CLVS1: variants seen among roughly 807,000 people sequenced by gnomAD.
The protein encoded by CLVS1 is clavesin-1.
CLVS1 carries 10 observed loss-of-function variants against 33.1 expected under a neutral mutation model. The observed-to-expected ratio is 0.30, with a 90% CI of 0.19 to 0.51. The LOEUF is 0.51. Among genes scored for constraint, CLVS1 ranks in the 20% least tolerant of loss-of-function variants. The probability of loss-of-function intolerance (pLI) is 0.97; values close to 1 mark genes in which losing one functional copy is unlikely to be tolerated. For missense variants in CLVS1, 343 were observed against 433.4 expected (o/e 0.79, Z 1.85); for synonymous variants, 163 against 166.1 (o/e 0.98, Z 0.14).
At chr8:61,353,985 T>C (rs549616058) in intron 2 of CLVS1, among the ~76,000 whole-genome samples, 1 of 151,914 alleles carries the variant, frequency 6.6e-6, no homozygotes, top group Admixed American at 6.6e-5. Flanking sequence ...GTCAATAACT[T>C]AGAAAATATG....
intron 1 of CLVS1, among the ~76,000 whole-genome samples, chr8:61,289,521 T>C (rs1234177630): frequency 1.3e-5 from 2 of 152,192 alleles, no homozygotes; most frequent in African/African-American, 4.8e-5. Context: ...CAGTAAAGCA[T>C]TGGGATTTTT....
chr8:61,455,661 C>T (rs780147446), intron 4 of CLVS1, among the ~76,000 whole-genome samples: 5 of 152,142 alleles, frequency 3.3e-5, no homozygotes, highest in Non-Finnish European at 5.9e-5. Context: ...ATCTTTGAGA[C>T]TTTCTATTTT....
intron 1 of CLVS1, among the ~76,000 whole-genome samples, chr8:61,297,660 C>T (rs981635096): frequency 3.3e-5 from 5 of 152,102 alleles, no homozygotes; most frequent in Non-Finnish European, 7.4e-5. Flanking sequence ...GTCTGAAGAT[C>T]TGAAAGGAGC....
intron 1 of CLVS1, among the ~76,000 whole-genome samples, chr8:61,098,248 G>A (rs1291505458): frequency 1.3e-5 from 2 of 152,154 alleles, no homozygotes; most frequent in East Asian, 3.9e-4. Flanking sequence ...CGCCCTCATG[G>A]TTTACATAAA....
Position 61,346,262 on chromosome 8 carries a change from T to G in CLVS1, c.456-30343T>G, listed in dbSNP as rs1254746319. On this transcript the variant is annotated intron_variant, in intron 2 of 5. Coordinates refer to ENST00000325897, the MANE Select transcript of CLVS1 (RefSeq NM_173519.3). ...TCAGGGGGTAAAGCAAGGGCATTAG[T>G]GTCTTAGAAAAACTCCCCAGAGGTG... is the stretch of plus-strand genomic sequence containing the variant. Among the ~76,000 whole-genome samples, 3 of 152,236 alleles carry G rather than the reference T, an allele frequency of 2.0e-5. No homozygotes were observed. The East Asian group carries it at 5.8e-4, about 30-fold the overall frequency.
chr8:61,119,294 A>G (rs1396043887), intron 1 of CLVS1, among the ~76,000 whole-genome samples: 1 of 151,966 alleles, frequency 6.6e-6, no homozygotes, highest in African/African-American at 2.4e-5. Context: ...TTTCCTGAAT[A>G]CAGCACACTG....
At chr8:61,069,399 TTC>T (rs1226137693) in intron 1 of CLVS1, among the ~76,000 whole-genome samples, 3 of 140,190 alleles carry the variant, frequency 2.1e-5, no homozygotes, top group African/African-American at 8.0e-5. Flanking sequence ...CTTTCCTTCT[TTC>T]TCTCTCTCTT....
At chr8:61,466,413 G>T (rs1232709414) in intron 5 of CLVS1, among the ~76,000 whole-genome samples, 1 of 152,092 alleles carries the variant, frequency 6.6e-6, no homozygotes, top group African/African-American at 2.4e-5. Flanking sequence ...AAGGAGTTTT[G>T]TTGGAGAAAA....
intron 1 of CLVS1, among the ~76,000 whole-genome samples, chr8:61,061,445 A>C (rs904594771): frequency 2.0e-5 from 3 of 152,150 alleles, no homozygotes; most frequent in Non-Finnish European, 2.9e-5. Flanking sequence ...CTTCCTGCAC[A>C]ATCATTCATA....
intron 1 of CLVS1, among the ~76,000 whole-genome samples, chr8:61,120,997 T>G (rs1805851852): frequency 6.6e-6 from 1 of 151,034 alleles, no homozygotes; most frequent in African/African-American, 2.4e-5. Context: ...TAGTTTGATC[T>G]CAGACTGCTG....
the CLVS1 span, among the ~76,000 whole-genome samples, chr8:61,030,304 C>A: frequency 1.3e-5 from 2 of 150,162 alleles, no homozygotes; most frequent in Middle Eastern, 3.4e-3. Context: ...AAGGTGGCAG[C>A]GGGGTGGGGG....
the CLVS1 span, among the ~76,000 whole-genome samples, chr8:61,034,678 C>A: frequency 6.6e-6 from 1 of 152,114 alleles, no homozygotes; most frequent in African/African-American, 2.4e-5. Flanking sequence ...TCCACTTCAG[C>A]ACTATTGCAA....
the CLVS1 span, among the ~76,000 whole-genome samples, chr8:61,051,385 G>A: frequency 6.6e-6 from 1 of 152,200 alleles, no homozygotes; most frequent in Non-Finnish European, 1.5e-5. Context: ...AAATTGCTTC[G>A]GGTGTAGGGG....
the CLVS1 span, among the ~76,000 whole-genome samples, chr8:61,034,794 T>A: frequency 6.6e-6 from 1 of 152,090 alleles, no homozygotes; most frequent in Non-Finnish European, 1.5e-5. Flanking sequence ...AATACAGTGT[T>A]TACAAGAAGG....
At chr8:61,013,601 A>T in the CLVS1 span, among the ~76,000 whole-genome samples, 1 of 152,210 alleles carries the variant, frequency 6.6e-6, no homozygotes. Flanking sequence ...AAAAGATCAT[A>T]CATTGATAGC....
chr8:61,376,274 G>A (rs1813637127), intron 2 of CLVS1, among the ~76,000 whole-genome samples: 1 of 152,204 alleles, frequency 6.6e-6, no homozygotes. Flanking sequence ...AGCTCTGTGA[G>A]GGAGAAAGAT....
At chr8:61,349,714 T>C (rs192357345) in intron 2 of CLVS1, among the ~76,000 whole-genome samples, 1 of 152,234 alleles carries the variant, frequency 6.6e-6, no homozygotes, top group East Asian at 1.9e-4. Context: ...ATGTTCTTGA[T>C]CCCAAACTCC....
upstream of CLVS1, among the ~76,000 whole-genome samples, chr8:61,285,550 C>T (rs978042051): frequency 6.6e-6 from 1 of 152,170 alleles, no homozygotes; most frequent in Non-Finnish European, 1.5e-5. Context: ...GGTGAAGGCC[C>T]GGCCTGCTTA....
chr8:61,023,740 G>C, the CLVS1 span, among the ~76,000 whole-genome samples: 3 of 152,148 alleles, frequency 2.0e-5, no homozygotes, highest in African/African-American at 2.4e-5. Context: ...CCCCAGGGTG[G>C]GGGAGAGGCC....
Sources: gnomAD v4.1 joint callset for allele counts (sites outside exome capture counted in the v4.1 genomes callset) on GRCh38, gnomAD v4.1.1 for gene constraint, MANE v1.5 for transcripts, NCBI Gene and HGNC (gene_info 2026-07-23, HGNC 2026-07-21) for gene names.